FA2H: variants seen among roughly 807,000 people sequenced by gnomAD.
The protein encoded by FA2H is fatty acid alpha-hydroxylase.
A neutral mutation model predicts 44.9 loss-of-function variants in FA2H; 22 were observed. The observed-to-expected ratio is 0.49, with a 90% CI of 0.35 to 0.70. The LOEUF (loss-of-function observed/expected upper bound fraction) is 0.70. Ranked by LOEUF, FA2H falls within the 30% of genes least tolerant of loss-of-function variation. FA2H has a pLI of 0.01. For synonymous variants in FA2H, 243 were observed against 213.2 expected, an observed-to-expected ratio of 1.14 and a Z score of -1.22; for missense variants, 501 against 504.9, an observed-to-expected ratio of 0.99 and a Z score of 0.07.
At chr16:74,716,704 T>G in intron 5 of FA2H, 105 bp from the exon 6 acceptor site, 2 of 1,306,268 alleles carry the variant, frequency 1.5e-6, no homozygotes, top group Non-Finnish European at 2.1e-6. Context: ...GGCCCAGACA[T>G]TCCACTGCGT....
chr16:74,750,609 A>G (rs1311833185), intron 1 of FA2H, among the ~76,000 whole-genome samples: 1 of 152,148 alleles, frequency 6.6e-6, no homozygotes, highest in East Asian at 1.9e-4. Context: ...TGATTCAAGC[A>G]ATTCCCTCTC....
At chr16:74,771,075 C>G (rs1962897330) in intron 1 of FA2H, among the ~76,000 whole-genome samples, 1 of 152,190 alleles carries the variant, frequency 6.6e-6, no homozygotes, top group Non-Finnish European at 1.5e-5. Context: ...GAGCCACACC[C>G]TAAGGCTCCT....
intron 1 of FA2H, among the ~76,000 whole-genome samples, chr16:74,772,672 G>A (rs753811501): frequency 2.0e-5 from 3 of 152,186 alleles, no homozygotes; most frequent in Admixed American, 6.5e-5. Flanking sequence ...GTTAGAAGCA[G>A]GGGACAATTG....
chr16:74,748,700 T>C (rs1041569541), intron 1 of FA2H, among the ~76,000 whole-genome samples: 1 of 151,616 alleles, frequency 6.6e-6, no homozygotes, highest in African/African-American at 2.4e-5. Flanking sequence ...CAACAGAAAG[T>C]CTGCGCTCTG....
chr16:74,726,160 G>A, intron 4 of FA2H, 65 bp downstream of exon 4: 1 of 1,115,754 alleles, frequency 9.0e-7, no homozygotes. Flanking sequence ...TCTGGGCCAG[G>A]GAAAGCACTG....
Position 74,719,126 on chromosome 16 carries a change from G to A in FA2H, c.648C>T (p.Pro216=), listed in dbSNP as rs762526718. 2.2e-5 allele frequency: 35 copies of A among 1,613,654 alleles called. No individual in the cohort carries two copies. The highest frequency in any genetic ancestry group is 1.1e-4 in the African/African-American group (8 of 74,934). ...YTVAVPKSMF[P]GLFMLGTFLW... ...GGAATGTCCCCAGCATGAAGAGCCC[G>A]GGGAACATGGACTTGGGCACTGCCA... Residue 216 remains proline (P), a synonymous_variant, in exon 5 of 7, where the codon CCC becomes CCT. Transcript: ENST00000219368.
chr16:74,738,379 C>A (rs1165554838), intron 2 of FA2H, among the ~76,000 whole-genome samples: 2 of 152,264 alleles, frequency 1.3e-5, no homozygotes, highest in Middle Eastern at 3.4e-3. Flanking sequence ...TTAATCCTCC[C>A]CTTGCCTCCT....
At chr16:74,768,629 C>T (rs895348142) in intron 1 of FA2H, among the ~76,000 whole-genome samples, 5 of 152,168 alleles carry the variant, frequency 3.3e-5, no homozygotes, top group South Asian at 2.1e-4. Context: ...TTTATCAGAC[C>T]GGCTTTCCAA....
intron 1 of FA2H, among the ~76,000 whole-genome samples, chr16:74,750,818 C>A (rs1962514783): frequency 2.3e-5 from 3 of 132,640 alleles, no homozygotes; most frequent in Non-Finnish European, 4.9e-5. Flanking sequence ...GCTCTGTCAG[C>A]AGGCTGGAGT....
chr16:74,725,483 C>T (rs1567636591), intron 4 of FA2H, among the ~76,000 whole-genome samples: 1 of 152,206 alleles, frequency 6.6e-6, no homozygotes, highest in Non-Finnish European at 1.5e-5. Context: ...GACACTGCCC[C>T]ATATCAGCCT....
chr16:74,750,761 C>CTGTGTGTGTGTGTGTGTGTGTGTGTGTG (rs55799456), intron 1 of FA2H, among the ~76,000 whole-genome samples: 3 of 141,660 alleles, frequency 2.1e-5, no homozygotes, highest in Non-Finnish European at 3.0e-5. Flanking sequence ...TTTTTTTTCA[C>CTGTGTGTGTGTGTGTGTGTGTGTGTGTG]TGTGTGTGTG....
intron 1 of FA2H, among the ~76,000 whole-genome samples, chr16:74,744,825 A>G (rs1238355964): frequency 1.3e-5 from 2 of 152,142 alleles, no homozygotes; most frequent in Non-Finnish European, 2.9e-5. Context: ...AGCTCAAGCA[A>G]TCTGCTCACC....
intron 1 of FA2H, among the ~76,000 whole-genome samples, chr16:74,760,795 G>T (rs559025206): frequency 1.3e-5 from 2 of 152,330 alleles, no homozygotes; most frequent in Middle Eastern, 3.4e-3. Context: ...TGAAAGAAAT[G>T]TATTTGGTAC....
At chr16:74,716,278 C>T in intron 6 of FA2H, 69 bp downstream of exon 6, 1 of 1,571,100 alleles carries the variant, frequency 6.4e-7, no homozygotes, top group Non-Finnish European at 8.7e-7. Context: ...TTCCCAGGAG[C>T]TCGATGGTAG....
intron 1 of FA2H, among the ~76,000 whole-genome samples, chr16:74,740,535 G>C (rs908210557): frequency 6.6e-6 from 1 of 151,110 alleles, no homozygotes; most frequent in Non-Finnish European, 1.5e-5. Context: ...CAGAAGAATC[G>C]CTTGAACCCG....
At chr16:74,743,181 C>T (rs1962347010) in intron 1 of FA2H, among the ~76,000 whole-genome samples, 1 of 152,160 alleles carries the variant, frequency 6.6e-6, no homozygotes, top group Admixed American at 6.5e-5. Flanking sequence ...GAATGCAGAA[C>T]AATTACAACA....
intron 2 of FA2H, among the ~76,000 whole-genome samples, chr16:74,728,167 TA>T (rs1352798700): frequency 4.6e-5 from 7 of 152,224 alleles, no homozygotes; most frequent in African/African-American, 7.2e-5. Context: ...CTCATGCCTG[TA>T]AACCCTGCAT....
At chr16:74,757,634 G>A (rs184033406) in intron 1 of FA2H, among the ~76,000 whole-genome samples, 1 of 152,268 alleles carries the variant, frequency 6.6e-6, no homozygotes, top group East Asian at 1.9e-4. Flanking sequence ...ATGGAAAGAG[G>A]TACAAAATAT....
At chr16:74,729,322 A>T (rs1293481101) in intron 2 of FA2H, among the ~76,000 whole-genome samples, 1 of 151,892 alleles carries the variant, frequency 6.6e-6, no homozygotes, top group Non-Finnish European at 1.5e-5. Flanking sequence ...TATTTGTTTT[A>T]TTAAGAGGTG....
Sources: gnomAD v4.1 joint callset for allele counts (sites outside exome capture counted in the v4.1 genomes callset) on GRCh38, gnomAD v4.1.1 for gene constraint, MANE v1.5 for transcripts, NCBI Gene and HGNC (gene_info 2026-07-23, HGNC 2026-07-21) for gene names.